The following FOXN3 variants were observed in gnomAD, a reference collection of about 807,000 sequenced individuals.
FOXN3 encodes the protein forkhead box N3.
FOXN3 carries 7 observed loss-of-function variants against 38.4 expected under a neutral mutation model. The observed-to-expected ratio is 0.18, with a 90% confidence interval of 0.10 to 0.34. FOXN3 has a LOEUF of 0.34. Among genes scored for constraint, FOXN3 ranks in the 10% least tolerant of loss-of-function variants. The probability of loss-of-function intolerance (pLI) is 1.00; values close to 1 mark genes in which losing one functional copy is unlikely to be tolerated. For synonymous variants in FOXN3, 230 were observed against 242.2 expected (o/e 0.95, Z 0.47); for missense variants, 456 against 613.4 (o/e 0.74, Z 2.71).
At chr14:89,520,334 A>G (rs1894294541) in intron 1 of FOXN3, among the ~76,000 whole-genome samples, 1 of 152,178 alleles carries the variant, frequency 6.6e-6, no homozygotes. Flanking sequence ...TCCCAGGCTC[A>G]AGCAACGGGT....
intron 3 of FOXN3, among the ~76,000 whole-genome samples, chr14:89,331,332 C>A (rs1888242068): frequency 6.6e-6 from 1 of 152,202 alleles, no homozygotes; most frequent in Non-Finnish European, 1.5e-5. Context: ...TGGCTTTTTT[C>A]ACTCTGCATA....
chr14:89,434,214 C>A lies in FOXN3; in HGVS notation c.-14-21724G>T, dbSNP rs917991. Among the ~76,000 whole-genome samples, 1,207 of 145,250 alleles carry A rather than the reference C, an allele frequency of 8.3e-3. 12 individuals carry two copies. Among genetic ancestry groups the A allele is most frequent in the Non-Finnish European group, 0.011 (724 of 66,522 alleles). On this transcript the variant is annotated intron_variant, in intron 1 of 6. Coordinates refer to the FOXN3 transcript ENST00000345097. ...CTGGGATTACAGACGTGAGTCACTG[C>A]GCAAGCCTTTTTTTTTTTTTTTTTT...
intron 1 of FOXN3, among the ~76,000 whole-genome samples, chr14:89,460,001 G>C (rs1892808595): frequency 6.6e-6 from 1 of 152,150 alleles, no homozygotes; most frequent in East Asian, 1.9e-4. Flanking sequence ...ATGTTCCCCT[G>C]GAAGTCTGGT....
At chr14:89,513,393 T>C (rs1894136298) in intron 1 of FOXN3, among the ~76,000 whole-genome samples, 2 of 150,836 alleles carry the variant, frequency 1.3e-5, no homozygotes, top group Non-Finnish European at 3.0e-5. Flanking sequence ...CCCAGCCAAT[T>C]TTTTTGTTTT....
chr14:89,331,867 T>C (rs187338722), intron 3 of FOXN3, among the ~76,000 whole-genome samples: 1 of 152,232 alleles, frequency 6.6e-6, no homozygotes, highest in African/African-American at 2.4e-5. Context: ...CATAACCCAT[T>C]ACGGAGTGGT....
chr14:89,223,740 G>C (rs1379253832), intron 4 of FOXN3, among the ~76,000 whole-genome samples: 1 of 152,202 alleles, frequency 6.6e-6, no homozygotes, highest in Non-Finnish European at 1.5e-5. Flanking sequence ...GTGGAAGTCA[G>C]GGGGAGAGGC....
intron 2 of FOXN3, among the ~76,000 whole-genome samples, chr14:89,352,294 A>T (rs1254046703): frequency 3.3e-5 from 5 of 152,244 alleles, no homozygotes; most frequent in Non-Finnish European, 1.5e-5. Context: ...ACACATTCTC[A>T]AACCCAGAAT....
chr14:89,321,012 G>C (rs775974289), intron 3 of FOXN3, among the ~76,000 whole-genome samples: 1 of 152,136 alleles, frequency 6.6e-6, no homozygotes, highest in Non-Finnish European at 1.5e-5. Context: ...AATTGGCCAG[G>C]CATGGTGGCT....
intron 5 of FOXN3, among the ~76,000 whole-genome samples, chr14:89,175,165 A>C (rs1016751640): frequency 6.6e-6 from 1 of 152,238 alleles, no homozygotes; most frequent in Non-Finnish European, 1.5e-5. Context: ...TTGCTACTAC[A>C]GTCAGACCAT....
intron 4 of FOXN3, among the ~76,000 whole-genome samples, chr14:89,259,203 T>A (rs1885720722): frequency 2.0e-5 from 3 of 152,228 alleles, no homozygotes; most frequent in Admixed American, 2.0e-4. Flanking sequence ...TACAGGAAAC[T>A]GCCTTTGAAA....
intron 3 of FOXN3, among the ~76,000 whole-genome samples, chr14:89,294,997 T>A (rs1886992152): frequency 6.6e-6 from 1 of 152,108 alleles, no homozygotes; most frequent in Non-Finnish European, 1.5e-5. Flanking sequence ...CTGTAACAAA[T>A]GCTTACAGGG....
At chr14:89,416,165 G>T (rs1259289999) in intron 1 of FOXN3, among the ~76,000 whole-genome samples, 1 of 152,206 alleles carries the variant, frequency 6.6e-6, no homozygotes, top group East Asian at 1.9e-4. Flanking sequence ...CTCGTCTACT[G>T]TACTTGTCAA....
chr14:89,176,421 A>C (rs1205866082), intron 5 of FOXN3, among the ~76,000 whole-genome samples: 1 of 152,238 alleles, frequency 6.6e-6, no homozygotes, highest in African/African-American at 2.4e-5. Context: ...TTAGATTCAC[A>C]AGGAAAACCT....
intron 1 of FOXN3, among the ~76,000 whole-genome samples, chr14:89,437,617 T>C (rs779160748): frequency 6.6e-6 from 1 of 152,166 alleles, no homozygotes; most frequent in African/African-American, 2.4e-5. Context: ...ACAAATGCCA[T>C]GGCAACATCA....
chr14:89,307,164 A>G (rs1198139583), intron 3 of FOXN3, among the ~76,000 whole-genome samples: 6 of 152,214 alleles, frequency 3.9e-5, no homozygotes, highest in Non-Finnish European at 7.3e-5. Flanking sequence ...GTCCTACCAA[A>G]ATTTCCAGAA....
chr14:89,233,387 T>C (rs966051971), intron 4 of FOXN3, among the ~76,000 whole-genome samples: 3 of 152,194 alleles, frequency 2.0e-5, no homozygotes, highest in African/African-American at 7.2e-5. Flanking sequence ...GTAAATTCTA[T>C]ACTCTGTAAT....
At chr14:89,437,695 A>G (rs1190312101) in intron 1 of FOXN3, among the ~76,000 whole-genome samples, 1 of 152,250 alleles carries the variant, frequency 6.6e-6, no homozygotes. Flanking sequence ...GCATATCATC[A>G]AGAAATAACC....
chr14:89,221,332 C>A (rs540854179), intron 4 of FOXN3, among the ~76,000 whole-genome samples: 27 of 152,300 alleles, frequency 1.8e-4, no homozygotes, highest in African/African-American at 6.5e-4. Flanking sequence ...AGCACTATAT[C>A]ATGTATCACC....
chr14:89,163,054 G>T lies in FOXN3; in HGVS notation c.852-85C>A. Reference sequence around the variant, plus strand: ...CTCAGATGGGGGCACCCGGCAGCCCGCCTGCATTCAACCATCAGTCCCTTT... The same window carrying T: ...CTCAGATGGGGGCACCCGGCAGCCCTCCTGCATTCAACCATCAGTCCCTTT... On this transcript the variant is annotated intron_variant, in intron 5 of 5. Coordinates refer to ENST00000557258, the MANE Select transcript of FOXN3 (RefSeq NM_005197.4). The surrounding 1 kb of genome is among the most constrained non-coding windows in gnomAD (Gnocchi z 4.3). 2.4e-6 allele frequency: 3 copies of T among 1,265,418 alleles called. No homozygotes were observed. Among genetic ancestry groups the T allele is most frequent in the Non-Finnish European group, 3.2e-6 (3 of 947,816 alleles). 78.4% of individuals were successfully genotyped at this position (1,265,418 alleles called of 1,614,324 possible). A position where few individuals can be genotyped will look rare whatever the true frequency, so the allele number is the denominator to read the frequency against.
Sources: gnomAD v4.1 joint callset for allele counts (sites outside exome capture counted in the v4.1 genomes callset) on GRCh38, gnomAD v4.1.1 for gene constraint, Gnocchi (gnomAD v3.1) non-coding constraint, MANE v1.5 for transcripts, NCBI Gene and HGNC (gene_info 2026-07-23, HGNC 2026-07-21) for gene names.